CHN2: variants seen among roughly 807,000 people sequenced by gnomAD.
CHN2 encodes the protein beta-chimaerin.
CHN2 carries 35 observed loss-of-function variants against 56.3 expected under a neutral mutation model. The observed-to-expected ratio is 0.62, with a 90% CI of 0.47 to 0.82. The LOEUF (loss-of-function observed/expected upper bound fraction) is 0.82. CHN2 is among the 40% of genes least tolerant of loss of function. CHN2 has a pLI of 0.00. For synonymous variants in CHN2, 210 were observed against 212.8 expected (o/e 0.99, Z 0.12); for missense variants, 491 against 580.5 (o/e 0.85, Z 1.58).
At chr7:29,412,764 G>T (rs1263083689) in intron 6 of CHN2, among the ~76,000 whole-genome samples, 1 of 152,110 alleles carries the variant, frequency 6.6e-6, no homozygotes, top group African/African-American at 2.4e-5. Context: ...CCCTCTGTTG[G>T]AAGGGGTATC....
chr7:29,162,661 CAAA>C (rs35159645), intron 2 of CHN2, among the ~76,000 whole-genome samples: 4 of 58,380 alleles, frequency 6.9e-5, no homozygotes, highest in African/African-American at 4.9e-5. Flanking sequence ...AACTCCATCT[CAAA>C]AAAAAAAAAA....
intron 6 of CHN2, 95 bp downstream of exon 6, chr7:29,400,923 G>A (rs1036504781): frequency 1.8e-5 from 22 of 1,252,300 alleles, no homozygotes; most frequent in Non-Finnish European, 2.4e-5. Flanking sequence ...AATGTTGGAG[G>A]AGACCCACCC....
At chr7:29,171,905 C>A (rs1209952297) in intron 2 of CHN2, among the ~76,000 whole-genome samples, 2 of 152,146 alleles carry the variant, frequency 1.3e-5, no homozygotes, top group African/African-American at 2.4e-5. Flanking sequence ...TGGAGGGAAG[C>A]CCCCAATTCC....
At chr7:29,479,654 T>G in intron 6 of CHN2, 1 of 1,027,178 alleles carries the variant, frequency 9.7e-7, no homozygotes. Flanking sequence ...AGCCCCAGAT[T>G]AATTGGATGC....
chr7:29,194,852 G>T lies in CHN2; in HGVS notation c.-90G>T. ...CCCAGGACTTTGCCATGGGCTGGGG[G>T]CCGCGGAGGCTGCGAGCGGCCGGGC... is the stretch of plus-strand genomic sequence containing the variant. On this transcript the variant is annotated 5_prime_UTR_variant, in exon 1 of 13. Coordinates refer to ENST00000222792, the MANE Select transcript of CHN2 (RefSeq NM_004067.4). 8.1e-7 allele frequency: 1 copy of T among 1,230,796 alleles called. No homozygotes were observed. The allele number at this position is 1,230,796 out of a possible 1,614,324, so 76.2% of individuals were successfully genotyped here.
intron 1 of CHN2, among the ~76,000 whole-genome samples, chr7:29,339,879 G>A (rs11981169): frequency 0.38 from 57,607 of 151,186 alleles, 11,287 homozygotes; most frequent in Middle Eastern, 0.49. Flanking sequence ...TAACAATACT[G>A]TATATAATAA....
At chr7:29,511,770 C>T (rs1271204195) in intron 12 of CHN2, among the ~76,000 whole-genome samples, 1 of 151,990 alleles carries the variant, frequency 6.6e-6, no homozygotes, top group African/African-American at 2.4e-5. Flanking sequence ...AGAACCCATT[C>T]CCTTTTACAT....
chr7:29,244,398 C>T (rs540567363), intron 1 of CHN2, among the ~76,000 whole-genome samples: 47 of 152,326 alleles, frequency 3.1e-4, no homozygotes, highest in Admixed American at 2.7e-3. Flanking sequence ...CTCCCTCAGT[C>T]ATTTCTGCTA....
At chr7:29,386,519 A>G (rs892075819) in intron 3 of CHN2, among the ~76,000 whole-genome samples, 9 of 152,250 alleles carry the variant, frequency 5.9e-5, no homozygotes, top group African/African-American at 1.9e-4. Flanking sequence ...CCTTGTTTAC[A>G]GAGGACTCAC....
intron 6 of CHN2, among the ~76,000 whole-genome samples, chr7:29,413,553 A>C (rs1803445798): frequency 6.6e-6 from 1 of 152,230 alleles, no homozygotes; most frequent in Non-Finnish European, 1.5e-5. Flanking sequence ...CATTGTTTTT[A>C]ATCTATCATA....
chr7:29,384,186 C>T (rs1800748025), intron 3 of CHN2, among the ~76,000 whole-genome samples: 1 of 152,146 alleles, frequency 6.6e-6, no homozygotes, highest in South Asian at 2.1e-4. Context: ...TCCAGAATGG[C>T]CATGTTTTAG....
chr7:29,508,787 G>A (rs1318175157), intron 11 of CHN2, among the ~76,000 whole-genome samples: 4 of 152,162 alleles, frequency 2.6e-5, no homozygotes, highest in African/African-American at 4.8e-5. Context: ...GTATGCCAAC[G>A]CCACGGTGAG....
chr7:29,380,323 C>T (rs1800397196), intron 3 of CHN2, among the ~76,000 whole-genome samples: 1 of 151,980 alleles, frequency 6.6e-6, no homozygotes, highest in Admixed American at 6.5e-5. Context: ...GTATAAAGCA[C>T]AAATACCTAT....
At position 29,370,596 on chromosome 7, in the gene CHN2, T is replaced by C. The variant is rs376367288; in HGVS notation, c.144+2609T>C. Among the ~76,000 whole-genome samples, 12 of 152,266 alleles carry C rather than the reference T, an allele frequency of 7.9e-5. No individual in the cohort carries two copies. In the East Asian group the frequency reaches 1.9e-3, roughly 25 times the overall value. ...GGTCCCTAGCGTGGTAGCTCCAGTA[T>C]ACTCAATCTCTGTTGTTTCTCTGAT... On this transcript the variant is annotated intron_variant, in intron 3 of 12. Transcript: ENST00000222792.
intron 3 of CHN2, chr7:29,380,613 T>G (rs1043865579): frequency 6.6e-6 from 1 of 152,224 alleles, no homozygotes; most frequent in Non-Finnish European, 1.5e-5. Flanking sequence ...ACACTTTGCC[T>G]TTTCCAAAGT....
At chr7:29,353,690 T>C (rs1394697971) in intron 1 of CHN2, among the ~76,000 whole-genome samples, 2 of 152,076 alleles carry the variant, frequency 1.3e-5, no homozygotes, top group Non-Finnish European at 2.9e-5. Flanking sequence ...GAGGGTAGTC[T>C]AAGGGCAGGC....
At chr7:29,385,397 G>A (rs1366135630) in intron 3 of CHN2, among the ~76,000 whole-genome samples, 1 of 152,154 alleles carries the variant, frequency 6.6e-6, no homozygotes, top group Non-Finnish European at 1.5e-5. Flanking sequence ...ATTGTTTGTT[G>A]TAGGGGGTTG....
At chr7:29,468,480 C>T (rs1209375623) in intron 6 of CHN2, among the ~76,000 whole-genome samples, 2 of 152,024 alleles carry the variant, frequency 1.3e-5, no homozygotes, top group Admixed American at 6.6e-5. Context: ...GAGTCAGACT[C>T]TTTATTATGT....
intron 1 of CHN2, among the ~76,000 whole-genome samples, chr7:29,254,226 T>A (rs1345377134): frequency 2.0e-5 from 3 of 152,236 alleles, no homozygotes; most frequent in Non-Finnish European, 4.4e-5. Flanking sequence ...TACTAGATGA[T>A]AAGCTCTATG....
Sources: allele counts gnomAD v4.1 joint callset (sites outside exome capture counted in the v4.1 genomes callset), GRCh38; gene constraint gnomAD v4.1.1; transcripts MANE v1.5; gene names NCBI Gene and HGNC (gene_info 2026-07-23, HGNC 2026-07-21).